HIPK2: variants seen among roughly 807,000 people sequenced by gnomAD.
The protein encoded by HIPK2 is homeodomain-interacting protein kinase 2.
A neutral mutation model predicts 113.7 loss-of-function variants in HIPK2; 27 were observed. The ratio of observed to expected loss-of-function variants is 0.24; its 90% CI spans 0.17 to 0.33. The LOEUF (loss-of-function observed/expected upper bound fraction) is 0.33. Ranked by LOEUF, HIPK2 falls within the 10% of genes least tolerant of loss-of-function variation. HIPK2 has a pLI of 1.00. For synonymous variants in HIPK2, 631 were observed against 642.2 expected, an observed-to-expected ratio of 0.98 and a Z score of 0.26; for missense variants, 1,257 against 1,588.0, an observed-to-expected ratio of 0.79 and a Z score of 3.54.
rs569091382 is a variant in HIPK2 at position 139,666,235 on chromosome 7, TA to T, written c.1104-34511del. The stretch of plus-strand genomic sequence containing the variant: ...CAAAGAAAAGGTCAAGAAGAGTGTT[TA>T]AAAAAAAAATCACAGTTTAAAATGA... On this transcript the variant is annotated intron_variant, in intron 2 of 14. Transcript: ENST00000406875. 2.6e-3 allele frequency among the ~76,000 whole-genome samples: 388 copies of T among 150,650 alleles called. 2 individuals carry two copies. The highest frequency in any genetic ancestry group is 0.014 in the Middle Eastern group (4 of 292).
chr7:139,661,374 C>T (rs1801862034), intron 2 of HIPK2, among the ~76,000 whole-genome samples: 1 of 152,162 alleles, frequency 6.6e-6, no homozygotes. Context: ...GCTTAGAATG[C>T]CCTAAGTATG....
In HIPK2 at chr7:139,715,970, C is replaced by T. The variant is rs1795221013; in HGVS notation, c.1065G>A (p.Lys355=). 1.9e-6 allele frequency: 3 copies of T among 1,614,156 alleles called. No homozygotes were observed. The highest frequency in any genetic ancestry group is 1.7e-6 in the Non-Finnish European group (2 of 1,180,026). The change falls in exon 2 of 15, where the codon AAG becomes AAA. Residue 355 remains lysine (K), a synonymous_variant. Transcript: ENST00000406875. ...ACTGCAAGTAGGTGGAGCACACAGC[C>T]TTGGAGACGTGGCTGGCTGAACCAA... ...IDFGSASHVS[K]AVCSTYLQSR...
chr7:139,704,687 C>T (rs1176578658), intron 2 of HIPK2, among the ~76,000 whole-genome samples: 2 of 152,222 alleles, frequency 1.3e-5, no homozygotes, highest in Non-Finnish European at 1.5e-5. Context: ...GGCATCACTC[C>T]AGCCTTGGCT....
intron 2 of HIPK2, among the ~76,000 whole-genome samples, chr7:139,681,285 C>T (rs764267230): frequency 8.5e-5 from 13 of 152,274 alleles, no homozygotes; most frequent in East Asian, 1.9e-4. Flanking sequence ...AGCATGCTGC[C>T]GTCCATCCCA....
chr7:139,747,003 T>C (rs1796201041), intron 1 of HIPK2, among the ~76,000 whole-genome samples: 1 of 152,220 alleles, frequency 6.6e-6, no homozygotes, highest in Non-Finnish European at 1.5e-5. Context: ...TTTTAAATTA[T>C]ACCACGCACT....
intron 9 of HIPK2, among the ~76,000 whole-genome samples, chr7:139,605,748 G>A (rs78519323): frequency 6.6e-5 from 10 of 152,280 alleles, no homozygotes; most frequent in East Asian, 3.9e-4. Flanking sequence ...GGGACCATGC[G>A]CATACCATGA....
intron 2 of HIPK2, among the ~76,000 whole-genome samples, chr7:139,712,745 A>C (rs985018037): frequency 6.6e-6 from 1 of 152,194 alleles, no homozygotes; most frequent in Admixed American, 6.5e-5. Context: ...AGGAAAATCA[A>C]CTTGATAAAC....
intron 2 of HIPK2, among the ~76,000 whole-genome samples, chr7:139,681,682 T>A (rs1802705077): frequency 6.6e-6 from 1 of 152,166 alleles, no homozygotes; most frequent in African/African-American, 2.4e-5. Context: ...AGAGCACATT[T>A]AAAACTCCTC....
rs757655175 is a variant in HIPK2 at position 139,629,063 on chromosome 7, T to C, written c.1348-24A>G. On this transcript the variant is annotated intron_variant, in intron 4 of 14. Transcript: ENST00000406875. ...GTCTGTCAAGAGAGGCAAAAGCCAA[T>C]TGGTAGCGTGACTTAGCTCCTCATC... 33 of 1,567,808 alleles carry C rather than the reference T, an allele frequency of 2.1e-5. 1 individual carries two copies. Among genetic ancestry groups the C allele is most frequent in the Admixed American group, 1.1e-4 (6 of 53,610 alleles).
chr7:139,582,288 CCT>C (rs1327305282), intron 13 of HIPK2, among the ~76,000 whole-genome samples: 1 of 152,348 alleles, frequency 6.6e-6, no homozygotes, highest in East Asian at 1.9e-4. Flanking sequence ...CAGCCTGGCC[CCT>C]GTCAACCAGA....
chr7:139,758,122 C>CT (rs1390586764), intron 1 of HIPK2, among the ~76,000 whole-genome samples: 1 of 152,092 alleles, frequency 6.6e-6, no homozygotes, highest in Non-Finnish European at 1.5e-5. Context: ...TACCAACAGG[C>CT]TTTTTTTCTG....
intron 6 of HIPK2, among the ~76,000 whole-genome samples, chr7:139,621,077 T>C (rs116288175): frequency 0.022 from 3,293 of 152,332 alleles, 122 homozygotes; most frequent in African/African-American, 0.076. Flanking sequence ...GGTGACCCTA[T>C]TGCCACACTT....
chr7:139,673,927 G>T (rs1802400946), intron 2 of HIPK2, among the ~76,000 whole-genome samples: 1 of 144,996 alleles, frequency 6.9e-6, no homozygotes. Context: ...AAATTAGCTA[G>T]GCAGACTGCA....
At chr7:139,726,395 C>A (rs1585426283) in intron 1 of HIPK2, among the ~76,000 whole-genome samples, 1 of 152,038 alleles carries the variant, frequency 6.6e-6, no homozygotes, top group Middle Eastern at 3.4e-3. Context: ...GATGTGAGAG[C>A]AAAGGAAAGA....
In HIPK2 at chr7:139,563,754, A is replaced by G. The variant is rs1798013602; in HGVS notation, c.*9173T>C. ...TGTCCTAAGAACACGCTGTCAATAC[A>G]GTTCACAGGGAAAAAGCAAATGTGG... On this transcript the variant is annotated 3_prime_UTR_variant, in exon 15 of 15. Coordinates refer to ENST00000406875, the MANE Select transcript of HIPK2 (RefSeq NM_022740.5). The G allele has an allele frequency of 1.5e-5, 6 of 398,294 alleles. No individual in the cohort carries two copies. The highest frequency in any genetic ancestry group is 2.2e-5 in the Non-Finnish European group (5 of 226,018). The allele number at this position is 398,294 out of a possible 1,614,324, so 24.7% of individuals were successfully genotyped here.
At chr7:139,600,039 T>G (rs971664857) in intron 11 of HIPK2, among the ~76,000 whole-genome samples, 2 of 152,102 alleles carry the variant, frequency 1.3e-5, no homozygotes, top group African/African-American at 2.4e-5. Flanking sequence ...TTAGGTCAGT[T>G]TAGGCAGAAT....
At chr7:139,597,710 C>T (rs1217945926) in intron 11 of HIPK2, among the ~76,000 whole-genome samples, 1 of 152,150 alleles carries the variant, frequency 6.6e-6, no homozygotes, top group African/African-American at 2.4e-5. Flanking sequence ...TGGAAAAGTG[C>T]AAGAGTTTTG....
At chr7:139,577,838 G>A (rs1334763312) in intron 13 of HIPK2, among the ~76,000 whole-genome samples, 2 of 152,016 alleles carry the variant, frequency 1.3e-5, no homozygotes, top group Non-Finnish European at 2.9e-5. Context: ...GGGGTGAGAT[G>A]TGCACAGAAA....
intron 1 of HIPK2, among the ~76,000 whole-genome samples, chr7:139,745,620 A>G (rs1796176713): frequency 6.6e-6 from 1 of 152,004 alleles, no homozygotes; most frequent in East Asian, 1.9e-4. Flanking sequence ...CCATCCCACA[A>G]ATCTGTTCCT....
Sources: allele counts gnomAD v4.1 joint callset (sites outside exome capture counted in the v4.1 genomes callset), GRCh38; gene constraint gnomAD v4.1.1; transcripts MANE v1.5; gene names NCBI Gene and HGNC (gene_info 2026-07-23, HGNC 2026-07-21).